The following RBM5 variants were observed in gnomAD, a reference collection of about 807,000 sequenced individuals.
RBM5 encodes RNA binding motif protein 5.
In RBM5, 15 loss-of-function variants were observed where a neutral mutation model predicts 124.6. That is an observed-to-expected ratio of 0.12 (90% CI 0.08 to 0.19). RBM5 has a LOEUF of 0.19. Ranked by LOEUF, RBM5 falls within the 10% of genes least tolerant of loss-of-function variation. The probability of loss-of-function intolerance (pLI) is 1.00; values close to 1 mark genes in which losing one functional copy is unlikely to be tolerated. For synonymous variants in RBM5, 337 were observed against 361.2 expected, an observed-to-expected ratio of 0.93 and a Z score of 0.76; for missense variants, 580 against 1,026.5, an observed-to-expected ratio of 0.57 and a Z score of 5.94.
Position 50,109,704 on chromosome 3 carries a change from T to G in RBM5, c.1278+16T>G, listed in dbSNP as rs764604642. 1.4e-5 allele frequency: 22 copies of G among 1,603,572 alleles called. No homozygotes were observed. The highest frequency in any genetic ancestry group is 1.9e-5 in the Non-Finnish European group (22 of 1,170,560). On this transcript the variant is annotated intron_variant, in intron 15 of 24. Transcript: ENST00000347869. ...TGGCTCTCCGGTAATCCTGTTGTCC[T>G]ATATACAAAACTCGTGGCTGATGGG...
chr3:50,108,666 C>T (rs1197684243), intron 14 of RBM5, among the ~76,000 whole-genome samples: 1 of 151,820 alleles, frequency 6.6e-6, no homozygotes, highest in Non-Finnish European at 1.5e-5. Flanking sequence ...GAGATTGCGC[C>T]ACTGCACTCC....
intron 8 of RBM5, 34 bp downstream of exon 8, chr3:50,104,342 T>G: frequency 6.3e-7 from 1 of 1,593,994 alleles, no homozygotes; most frequent in Non-Finnish European, 8.6e-7. Flanking sequence ...CAATATGCAT[T>G]AAAACCTACT....
Position 50,092,228 on chromosome 3 carries a change from A to T in RBM5, c.183+20A>T, listed in dbSNP as rs200723164. The T allele has an allele frequency of 8.0e-5, 128 of 1,608,194 alleles. 1 individual carries two copies. The African/African-American group carries it at 1.5e-3, about 19-fold the overall frequency. On this transcript the variant is annotated intron_variant, in intron 3 of 24. Transcript: ENST00000347869. ...CCAGAGGTGAGTGACCAGCGGCTGT[A>T]TAACCCCCCAAAACACTCTGAGCCT... is the stretch of plus-strand genomic sequence containing the variant.
Position 50,117,547 on chromosome 3 carries a change from G to C in RBM5, c.2322+168G>C. 2.2e-6 allele frequency: 2 copies of C among 929,396 alleles called. No homozygotes were observed. Among genetic ancestry groups the C allele is most frequent in the Non-Finnish European group, 1.6e-6 (1 of 641,692 alleles). 57.6% of individuals were successfully genotyped at this position (929,396 alleles called of 1,614,324 possible). A position where few individuals can be genotyped will look rare whatever the true frequency, so the allele number is the denominator to read the frequency against. ...TGTAATCCCAGCACTTTGGGAGGCC[G>C]AGGAGGGTGGATTGCCTGAGCCCAG... On this transcript the variant is annotated intron_variant, in intron 24 of 24. Coordinates refer to ENST00000347869, the MANE Select transcript of RBM5 (RefSeq NM_005778.4). The surrounding 1 kb of genome is among the most constrained non-coding windows in gnomAD (Gnocchi z 4.2).
chr3:50,091,107 G>C (rs1367472694), intron 2 of RBM5, among the ~76,000 whole-genome samples: 1 of 152,168 alleles, frequency 6.6e-6, no homozygotes, highest in Non-Finnish European at 1.5e-5. Context: ...TTAGTATTGA[G>C]GTCAGTCCCT....
Position 50,107,000 on chromosome 3 carries a change from A to G in RBM5, c.953+136A>G, listed in dbSNP as rs548754191. On this transcript the variant is annotated intron_variant, in intron 11 of 24. Coordinates refer to ENST00000347869, the MANE Select transcript of RBM5 (RefSeq NM_005778.4). ...CCTGATTGCCAAGGCCAGGAGGGAC[A>G]CGTTTGTCTTCTTTTAGTGATTATT... is the stretch of plus-strand genomic sequence containing the variant. The G allele has an allele frequency of 4.1e-5, 32 of 773,946 alleles. 1 individual carries two copies. In the South Asian group the frequency reaches 4.3e-4, roughly 10 times the overall value. The allele number at this position is 773,946 out of a possible 1,614,324, so 47.9% of individuals were successfully genotyped here. A position where few individuals can be genotyped will look rare whatever the true frequency, so the allele number is the denominator to read the frequency against.
At chr3:50,106,657 A>C in intron 10 of RBM5, 110 bp from the exon 11 acceptor site, 1 of 741,714 alleles carries the variant, frequency 1.3e-6, no homozygotes, top group Middle Eastern at 2.7e-4. Flanking sequence ...ACAATAAGGA[A>C]TTAATTGCCT....
intron 4 of RBM5, among the ~76,000 whole-genome samples, chr3:50,096,246 C>T (rs944131832): frequency 3.3e-5 from 5 of 150,896 alleles, no homozygotes; most frequent in South Asian, 2.1e-4. Flanking sequence ...CCCAGCACTT[C>T]GGGAGGCCAA....
At chr3:50,110,842 G>T in intron 17 of RBM5, 72 bp downstream of exon 17, 3 of 1,220,994 alleles carry the variant, frequency 2.5e-6, no homozygotes, top group South Asian at 1.5e-5. Context: ...GGCATAAAAT[G>T]AAATATTTCC....
intron 4 of RBM5, 108 bp from the exon 5 acceptor site, chr3:50,099,874 T>TAA (rs148796424): frequency 6.8e-3 from 5,321 of 783,348 alleles, no homozygotes; most frequent in South Asian, 8.3e-3. Flanking sequence ...ACTCCCATCT[T>TAA]AAAAAAAAAA....
Position 50,118,319 on chromosome 3 carries a change from G to T in RBM5, c.2323-12G>T, listed in dbSNP as rs756767159. The T allele has an allele frequency of 1.6e-5, 26 of 1,613,940 alleles. No individual in the cohort carries two copies. The Admixed American group carries it at 2.2e-4, about 13-fold the overall frequency. Reference sequence around the variant, plus strand: ...CCCTACCTCCCAGCTGACAGTCTCTGTGCTTTCCCAGGCTCAAGTTCGGCT... The same window carrying T: ...CCCTACCTCCCAGCTGACAGTCTCTTTGCTTTCCCAGGCTCAAGTTCGGCT... On this transcript the variant is annotated splice_polypyrimidine_tract_variant and intron_variant, in intron 24 of 24. Transcript: ENST00000347869.
Position 50,107,650 on chromosome 3 carries a change from G to A in RBM5, c.1041+81G>A, listed in dbSNP as rs186139207. ...AGACGTGACCTCTCCTGTGGTACTC[G>A]CAGTATGAGCTCTTTTCTTTTCTTT... On this transcript the variant is annotated intron_variant, in intron 12 of 24. Transcript: ENST00000347869. 60 of 595,892 alleles carry A rather than the reference G, an allele frequency of 1.0e-4. 1 individual carries two copies. The highest frequency in any genetic ancestry group is 6.9e-4 in the African/African-American group (34 of 49,452). 36.9% of individuals were successfully genotyped at this position (595,892 alleles called of 1,614,324 possible).
At chr3:50,094,478 T>G (rs1319855750) in intron 4 of RBM5, 2 of 152,318 alleles carry the variant, frequency 1.3e-5, no homozygotes, top group African/African-American at 4.8e-5. Flanking sequence ...GTGTGCTTTG[T>G]TTTTTTGTTT....
At chr3:50,115,375 C>T (rs1354496006) in intron 20 of RBM5, 53 bp from the exon 21 acceptor site, 16 of 1,581,910 alleles carry the variant, frequency 1.0e-5, no homozygotes, top group Non-Finnish European at 1.4e-5. Flanking sequence ...TACATAGCCA[C>T]CGCCATCTTC....
At chr3:50,097,766 T>G (rs945137278) in intron 4 of RBM5, among the ~76,000 whole-genome samples, 1 of 152,168 alleles carries the variant, frequency 6.6e-6, no homozygotes, top group Admixed American at 6.5e-5. Flanking sequence ...TTTGAAAATT[T>G]TTACCAATAA....
chr3:50,098,289 A>G (rs1475861199), intron 4 of RBM5, among the ~76,000 whole-genome samples: 1 of 149,794 alleles, frequency 6.7e-6, no homozygotes, highest in Non-Finnish European at 1.5e-5. Flanking sequence ...TATTTTTTTA[A>G]AGATAGGGTT....
intron 3 of RBM5, 46 bp downstream of exon 3, chr3:50,092,254 TATAGTA>T (rs761533433): frequency 2.7e-5 from 43 of 1,581,022 alleles, no homozygotes; most frequent in Non-Finnish European, 3.7e-5. Flanking sequence ...CTCTGAGCCT[TATAGTA>T]ATAGAAATAA....
chr3:50,112,414 T>TAAA lies in RBM5; in HGVS notation c.1456-941_1456-939dup, dbSNP rs58011975. On this transcript the variant is annotated intron_variant, in intron 17 of 24. Transcript: ENST00000347869. ...CTGGGTGACGGAGCGAGACTCTGTC[T>TAAA]AAAAAAAAAAAAAAAAAAAAAAAAA... Among the ~76,000 whole-genome samples the TAAA allele has an allele frequency of 1.4e-3, 126 of 88,222 alleles. 1 individual carries two copies. Among genetic ancestry groups the TAAA allele is most frequent in the African/African-American group, 3.2e-3 (67 of 20,656 alleles). The allele number at this position is 88,222 out of a possible 152,430, so 57.9% of individuals were successfully genotyped here. A position where few individuals can be genotyped will look rare whatever the true frequency, so the allele number is the denominator to read the frequency against.
chr3:50,090,542 T>C (rs1332635395), intron 2 of RBM5, 91 bp downstream of exon 2: 40 of 1,473,316 alleles, frequency 2.7e-5, no homozygotes, highest in Non-Finnish European at 3.7e-5. Flanking sequence ...AATATATGAG[T>C]GTTTTGCGCC....
Sources: allele counts gnomAD v4.1 joint callset (sites outside exome capture counted in the v4.1 genomes callset), GRCh38; gene constraint gnomAD v4.1.1; non-coding constraint Gnocchi (gnomAD v3.1); transcripts MANE v1.5; gene names NCBI Gene and HGNC (gene_info 2026-07-23, HGNC 2026-07-21).